FCHO2: variants seen among roughly 807,000 people sequenced by gnomAD.
FCHO2 encodes F-BAR domain only protein 2.
A neutral mutation model predicts 114.1 loss-of-function variants in FCHO2; 43 were observed. The observed-to-expected ratio is 0.38, with a 90% CI of 0.30 to 0.49. The LOEUF (loss-of-function observed/expected upper bound fraction) is 0.49. Ranked by LOEUF, FCHO2 falls within the 20% of genes least tolerant of loss-of-function variation. FCHO2 has a pLI of 0.97. For synonymous variants in FCHO2, 293 were observed against 315.2 expected, an observed-to-expected ratio of 0.93 and a Z score of 0.75; for missense variants, 807 against 950.4, an observed-to-expected ratio of 0.85 and a Z score of 1.98.
intron 2 of FCHO2, among the ~76,000 whole-genome samples, chr5:72,987,772 A>G (rs1753612960): frequency 6.6e-6 from 1 of 152,228 alleles, no homozygotes; most frequent in African/African-American, 2.4e-5. Context: ...TTAAAATGAC[A>G]GAAGAACTTA....
chr5:73,073,214 T>C (rs1334926827), intron 19 of FCHO2, among the ~76,000 whole-genome samples: 1 of 152,110 alleles, frequency 6.6e-6, no homozygotes, highest in African/African-American at 2.4e-5. Context: ...CTTGATTCCC[T>C]GCCAACAGTC....
At chr5:73,087,512 G>T in intron 24 of FCHO2, 77 bp from the exon 25 acceptor site, 2 of 1,515,114 alleles carry the variant, frequency 1.3e-6, no homozygotes, top group African/African-American at 2.7e-5. Flanking sequence ...ATGTAGTTTA[G>T]CTTACTTGCT....
intron 20 of FCHO2, among the ~76,000 whole-genome samples, chr5:73,075,507 GGCATT>G (rs1388464679): frequency 6.6e-6 from 1 of 152,144 alleles, no homozygotes; most frequent in African/African-American, 2.4e-5. Flanking sequence ...GACCAGGTTA[GGCATT>G]GTAGGCCATG....
intron 5 of FCHO2, among the ~76,000 whole-genome samples, chr5:73,003,105 T>C (rs1754533549): frequency 6.6e-6 from 1 of 152,152 alleles, no homozygotes; most frequent in South Asian, 2.1e-4. Flanking sequence ...ACTCTGGGGC[T>C]CAAGTGATTC....
chr5:73,016,178 G>A (rs1057438783), intron 7 of FCHO2, among the ~76,000 whole-genome samples: 1 of 152,038 alleles, frequency 6.6e-6, no homozygotes, highest in Non-Finnish European at 1.5e-5. Context: ...GCCAGGCACG[G>A]TGGCTCATAC....
chr5:73,056,132 TA>T, intron 16 of FCHO2, 25 bp downstream of exon 16: 1 of 1,505,970 alleles, frequency 6.6e-7, no homozygotes, highest in Non-Finnish European at 8.9e-7. Flanking sequence ...TTAATTTTGT[TA>T]AAAAATAGAC....
rs1490692407 is a variant in FCHO2, at chr5:73,088,847, G to A, written c.*757G>A. 6.6e-6 allele frequency: 1 copy of A among 152,544 alleles called. No individual in the cohort carries two copies. Among genetic ancestry groups the A allele is most frequent in the African/African-American group, 2.4e-5 (1 of 41,430 alleles). 9.4% of individuals were successfully genotyped at this position (152,544 alleles called of 1,614,324 possible). A position where few individuals can be genotyped will look rare whatever the true frequency, so the allele number is the denominator to read the frequency against. ...ATTTTTATATGGAATTGCATAATGT[G>A]TGCCTTTTAAAACAATAACAAAAAC... is the stretch of plus-strand genomic sequence containing the variant. On this transcript the variant is annotated 3_prime_UTR_variant, in exon 26 of 26. Coordinates refer to ENST00000430046, the MANE Select transcript of FCHO2 (RefSeq NM_138782.3).
Position 73,041,289 on chromosome 5 carries a change from A to G in FCHO2, c.915-2A>G. 1 of 1,480,496 alleles carries G rather than the reference A, an allele frequency of 6.8e-7. No homozygotes were observed. The highest frequency in any genetic ancestry group is 9.4e-7 in the Non-Finnish European group (1 of 1,065,470). The allele number at this position is 1,480,496 out of a possible 1,614,324, so 91.7% of individuals were successfully genotyped here. On this transcript the variant is annotated splice_acceptor_variant, in intron 10 of 25. Transcript: ENST00000430046. LOFTEE classifies it high-confidence loss of function. ...AGTATTTCTGATATTTTGTTTTAAT[A>G]GGGAATGTCCTGATGCAGATTCATT... is the stretch of plus-strand genomic sequence containing the variant.
chr5:72,965,327 A>G (rs1158024212), intron 1 of FCHO2, among the ~76,000 whole-genome samples: 4 of 152,218 alleles, frequency 2.6e-5, no homozygotes, highest in Admixed American at 2.6e-4. Flanking sequence ...TATTTACACT[A>G]TACTGGTGTA....
At position 73,051,443 on chromosome 5, in the gene FCHO2, T is replaced by C. The variant is rs1482991180; in HGVS notation, c.997+37T>C. ...TCATCTAGTATTCTTAAGGATTATG[T>C]TGGCATATAAGTAGGCAGTTATAAG... On this transcript the variant is annotated intron_variant, in intron 12 of 25. Transcript: ENST00000430046. 9 of 1,378,546 alleles carry C rather than the reference T, an allele frequency of 6.5e-6. No individual in the cohort carries two copies. The Admixed American group carries it at 6.8e-5, about 10-fold the overall frequency. The allele number at this position is 1,378,546 out of a possible 1,614,324, so 85.4% of individuals were successfully genotyped here.
rs527561564 is a variant in FCHO2 at position 73,030,122 on chromosome 5, A to G, written c.797-4535A>G. Among the ~76,000 whole-genome samples the G allele has an allele frequency of 1.3e-4, 19 of 149,522 alleles. No homozygotes were observed. The South Asian group carries it at 3.2e-3, about 25-fold the overall frequency. ...AGTGACATGATCTTGGCTCACTGCA[A>G]CCTCCGCCTCCTGGGTTCAAGTGAT... On this transcript the variant is annotated intron_variant, in intron 8 of 25. Coordinates refer to ENST00000430046, the MANE Select transcript of FCHO2 (RefSeq NM_138782.3).
At chr5:73,082,602 C>G (rs1164705920) in intron 23 of FCHO2, among the ~76,000 whole-genome samples, 159 bp from the exon 24 acceptor site, 1 of 152,182 alleles carries the variant, frequency 6.6e-6, no homozygotes, top group African/African-American at 2.4e-5. Flanking sequence ...TATGTTTATA[C>G]TATATCATAA....
intron 16 of FCHO2, among the ~76,000 whole-genome samples, chr5:73,057,102 A>AT (rs5868655): frequency 0.53 from 78,185 of 147,870 alleles, 21,441 homozygotes; most frequent in African/African-American, 0.71. Flanking sequence ...TTTTTTCAAA[A>AT]TTTTTTTTTT....
At chr5:73,048,865 G>T (rs1192674724) in intron 11 of FCHO2, among the ~76,000 whole-genome samples, 1 of 146,810 alleles carries the variant, frequency 6.8e-6, no homozygotes, top group Non-Finnish European at 1.5e-5. Flanking sequence ...TTATGAATTT[G>T]CTATCTTTTT....
Position 73,088,120 on chromosome 5 carries a change from G to T in FCHO2, c.*30G>T, listed in dbSNP as rs745791926. ...CCTGGGAAAGTGATGTGGCTTCAGGGATTACAAACCTGCCATTCTGCATTA... is the reference window on the plus strand; with the variant it reads ...CCTGGGAAAGTGATGTGGCTTCAGGTATTACAAACCTGCCATTCTGCATTA... On this transcript the variant is annotated 3_prime_UTR_variant, in exon 26 of 26. Transcript: ENST00000430046. 6.2e-7 allele frequency: 1 copy of T among 1,611,846 alleles called. No homozygotes were observed. The highest frequency in any genetic ancestry group is 1.1e-5 in the South Asian group (1 of 90,536).
intron 6 of FCHO2, among the ~76,000 whole-genome samples, chr5:73,013,410 T>C (rs1407696663): frequency 6.6e-6 from 1 of 152,210 alleles, no homozygotes; most frequent in Non-Finnish European, 1.5e-5. Flanking sequence ...TAGTAAGGCT[T>C]AGGCCCATTC....
chr5:72,960,015 A>G (rs1001847402), intron 1 of FCHO2, among the ~76,000 whole-genome samples: 3 of 152,210 alleles, frequency 2.0e-5, no homozygotes, highest in Non-Finnish European at 4.4e-5. Flanking sequence ...CCTGGGCTCA[A>G]GCCATGTTTC....
intron 17 of FCHO2, among the ~76,000 whole-genome samples, chr5:73,061,493 C>T (rs10043312): frequency 0.025 from 3,804 of 151,962 alleles, 71 homozygotes; most frequent in South Asian, 0.043. Flanking sequence ...ACTTGTAGAG[C>T]AGAGTAGGAA....
intron 6 of FCHO2, among the ~76,000 whole-genome samples, chr5:73,014,882 T>C (rs1755216383): frequency 6.6e-6 from 1 of 151,820 alleles, no homozygotes; most frequent in Non-Finnish European, 1.5e-5. Context: ...ATCGAGACTT[T>C]CCTGGCTAAC....
Sources: gnomAD v4.1 joint callset for allele counts (sites outside exome capture counted in the v4.1 genomes callset) on GRCh38, gnomAD v4.1.1 for gene constraint, MANE v1.5 for transcripts, NCBI Gene and HGNC (gene_info 2026-07-23, HGNC 2026-07-21) for gene names.